Variants in DOCK4 observed in about 807,000 individuals in gnomAD.
The protein encoded by DOCK4 is dedicator of cytokinesis 4.
Under a neutral mutation model 268.1 loss-of-function variants are expected in DOCK4, and 97 were observed. The ratio of observed to expected loss-of-function variants is 0.36; its 90% CI spans 0.31 to 0.43. The LOEUF (loss-of-function observed/expected upper bound fraction) is 0.43, where lower values mean the gene tolerates loss of function less well. DOCK4 is among the 20% of genes least tolerant of loss of function. The pLI is 1.00. For synonymous variants in DOCK4, 954 were observed against 887.2 expected (o/e 1.08, Z -1.34); for missense variants, 2,145 against 2,455.7 (o/e 0.87, Z 2.67).
intron 1 of DOCK4, among the ~76,000 whole-genome samples, chr7:112,169,100 A>G (rs1817856019): frequency 1.3e-5 from 2 of 152,194 alleles, no homozygotes; most frequent in Non-Finnish European, 2.9e-5. Flanking sequence ...TGTTCTCACG[A>G]TAGTGAGCTC....
chr7:111,736,886 A>G (rs1241297668), intron 50 of DOCK4, 31 bp downstream of exon 50: 5 of 1,574,008 alleles, frequency 3.2e-6, no homozygotes, highest in Non-Finnish European at 4.3e-6. Context: ...GCCCTTACAC[A>G]TTCCAGGACT....
chr7:112,201,249 G>C (rs974921656), intron 1 of DOCK4, among the ~76,000 whole-genome samples: 6 of 151,972 alleles, frequency 3.9e-5, no homozygotes, highest in African/African-American at 1.5e-4. Context: ...ACATAGAAGG[G>C]GCTTTAAAAA....
intron 27 of DOCK4, chr7:111,819,947 A>C (rs6980088): frequency 6.6e-6 from 1 of 152,154 alleles, no homozygotes; most frequent in Non-Finnish European, 1.5e-5. Flanking sequence ...GTGCTTCAAC[A>C]TGGTTTAGCC....
At chr7:111,875,507 T>A (rs1806780699) in intron 17 of DOCK4, among the ~76,000 whole-genome samples, 1 of 152,212 alleles carries the variant, frequency 6.6e-6, no homozygotes, top group South Asian at 2.1e-4. Context: ...GGGATTATGT[T>A]TCCCTCACAC....
intron 23 of DOCK4, among the ~76,000 whole-genome samples, chr7:111,853,335 TGCTGAGGGG>T (rs1488677394): frequency 1.3e-5 from 2 of 152,096 alleles, no homozygotes; most frequent in Admixed American, 6.5e-5. Flanking sequence ...ACGTGGGCAC[TGCTGAGGGG>T]CGGCCTCAGT....
intron 36 of DOCK4, among the ~76,000 whole-genome samples, chr7:111,775,997 T>C (rs968785030): frequency 6.6e-6 from 1 of 152,194 alleles, no homozygotes; most frequent in African/African-American, 2.4e-5. Context: ...GTCAGACTCA[T>C]CTCCAAGGTG....
intron 23 of DOCK4, among the ~76,000 whole-genome samples, chr7:111,856,422 C>A (rs1228235243): frequency 1.3e-5 from 2 of 152,170 alleles, no homozygotes; most frequent in Admixed American, 6.5e-5. Flanking sequence ...TTAATTTTAT[C>A]TTTGCCCTGT....
chr7:112,018,143 CAAAAAAAAAAAAAAA>C (rs140883588), intron 1 of DOCK4, among the ~76,000 whole-genome samples: 42 of 20,640 alleles, frequency 2.0e-3, no homozygotes, highest in Admixed American at 5.7e-3. Context: ...GACTCCAGCT[CAAAAAAAAAAAAAAA>C]AAAAAAAAAA....
chr7:112,010,309 G>A (rs1281171697), intron 1 of DOCK4, among the ~76,000 whole-genome samples: 1 of 152,216 alleles, frequency 6.6e-6, no homozygotes, highest in African/African-American at 2.4e-5. Context: ...GGACAGGGCT[G>A]GAGGAAAGAC....
At chr7:112,034,087 G>C (rs561274793) in intron 1 of DOCK4, among the ~76,000 whole-genome samples, 1 of 152,274 alleles carries the variant, frequency 6.6e-6, no homozygotes, top group African/African-American at 2.4e-5. Context: ...AGCTGTTCAT[G>C]TGTGCATTTT....
intron 7 of DOCK4, among the ~76,000 whole-genome samples, chr7:111,977,927 C>G (rs1408115617): frequency 6.6e-6 from 1 of 152,186 alleles, no homozygotes; most frequent in African/African-American, 2.4e-5. Context: ...CAATCCCTTC[C>G]TCAATACAGC....
rs533446671 is a variant in DOCK4, at chr7:112,038,583, C to T, written c.38-34452G>A. On this transcript the variant is annotated intron_variant, in intron 1 of 52. Coordinates refer to ENST00000428084, the MANE Select transcript of DOCK4 (RefSeq NM_001363540.2). ...GACAGTACTGTCACTCTTGTGCCAC[C>T]ACTGGCTGTGGAGCTTCAACTGCAC... 6.0e-4 allele frequency among the ~76,000 whole-genome samples: 91 copies of T among 152,300 alleles called. 1 individual carries two copies. The highest frequency in any genetic ancestry group is 1.9e-3 in the African/African-American group (81 of 41,568).
chr7:112,148,058 C>T (rs1669633845), intron 1 of DOCK4, among the ~76,000 whole-genome samples: 1 of 151,958 alleles, frequency 6.6e-6, no homozygotes, highest in South Asian at 2.1e-4. Context: ...TTCACAGCAT[C>T]CAGCTTTCTA....
At chr7:111,925,622 T>C (rs149379491) in intron 12 of DOCK4, among the ~76,000 whole-genome samples, 1 of 152,280 alleles carries the variant, frequency 6.6e-6, no homozygotes, top group African/African-American at 2.4e-5. Flanking sequence ...GAAAGGAGCC[T>C]AGTTACTCAA....
chr7:111,825,501 T>C (rs1270540664), intron 26 of DOCK4, among the ~76,000 whole-genome samples: 2 of 151,670 alleles, frequency 1.3e-5, no homozygotes, highest in Non-Finnish European at 2.9e-5. Context: ...ATTTTGCACA[T>C]ACAACTAAGT....
intron 12 of DOCK4, among the ~76,000 whole-genome samples, chr7:111,930,348 T>G (rs1405886038): frequency 1.3e-5 from 2 of 152,224 alleles, no homozygotes; most frequent in African/African-American, 4.8e-5. Context: ...AAAAGCCCAG[T>G]TAATTGGTGA....
chr7:111,749,656 T>C (rs1796501936), intron 42 of DOCK4, among the ~76,000 whole-genome samples: 1 of 152,172 alleles, frequency 6.6e-6, no homozygotes, highest in Admixed American at 6.5e-5. Context: ...AGATAAAATG[T>C]TAATATTTGC....
intron 17 of DOCK4, among the ~76,000 whole-genome samples, chr7:111,875,536 A>C (rs2134255205): frequency 6.6e-6 from 1 of 152,374 alleles, no homozygotes; most frequent in Non-Finnish European, 1.5e-5. Context: ...AAGACTGTAC[A>C]GATCTGATTA....
intron 16 of DOCK4, among the ~76,000 whole-genome samples, chr7:111,884,063 T>A (rs1408131356): frequency 6.6e-6 from 1 of 152,154 alleles, no homozygotes; most frequent in Non-Finnish European, 1.5e-5. Flanking sequence ...TCAAATCTGA[T>A]TTTTTTATCC....
Sources: gnomAD v4.1 joint callset for allele counts (sites outside exome capture counted in the v4.1 genomes callset) on GRCh38, gnomAD v4.1.1 for gene constraint, MANE v1.5 for transcripts, NCBI Gene and HGNC (gene_info 2026-07-23, HGNC 2026-07-21) for gene names.